PGM2L1: variants seen among roughly 807,000 people sequenced by gnomAD.
PGM2L1 encodes the protein phosphoglucomutase 2 like 1.
PGM2L1 carries 35 observed loss-of-function variants against 73.4 expected under a neutral mutation model. That is an observed-to-expected ratio of 0.48 (90% confidence interval 0.36 to 0.63). The LOEUF (loss-of-function observed/expected upper bound fraction) is 0.63. Ranked by LOEUF, PGM2L1 falls within the 30% of genes least tolerant of loss-of-function variation. The pLI, the probability that PGM2L1 is intolerant of heterozygous loss-of-function variation, is 0.00. For missense variants in PGM2L1, 570 were observed against 742.0 expected, an observed-to-expected ratio of 0.77 and a Z score of 2.69; for synonymous variants, 225 against 253.8, an observed-to-expected ratio of 0.89 and a Z score of 1.08.
chr11:74,393,977 G>A (rs1863138963), intron 1 of PGM2L1, among the ~76,000 whole-genome samples: 1 of 148,986 alleles, frequency 6.7e-6, no homozygotes. Context: ...AGAAAGCACT[G>A]AAAAAAAAAA....
chr11:74,363,242 G>T (rs939324680), intron 5 of PGM2L1, among the ~76,000 whole-genome samples: 5 of 152,174 alleles, frequency 3.3e-5, no homozygotes, highest in African/African-American at 1.2e-4. Context: ...TTAAAGCAGT[G>T]TGTAGAGGGA....
At chr11:74,340,169 T>C (rs1482134104) in intron 12 of PGM2L1, among the ~76,000 whole-genome samples, 3 of 152,214 alleles carry the variant, frequency 2.0e-5, no homozygotes, top group Non-Finnish European at 4.4e-5. Context: ...AGGAAGGCTT[T>C]GACACTTACT....
At chr11:74,338,168 C>T (rs911945267) in intron 13 of PGM2L1, among the ~76,000 whole-genome samples, 1 of 152,116 alleles carries the variant, frequency 6.6e-6, no homozygotes, top group Non-Finnish European at 1.5e-5. Flanking sequence ...GTCACAAAGG[C>T]CCACATATTG....
chr11:74,357,804 T>A (rs1007596815), intron 5 of PGM2L1, among the ~76,000 whole-genome samples: 1 of 152,168 alleles, frequency 6.6e-6, no homozygotes, highest in Non-Finnish European at 1.5e-5. Context: ...AATGGAGAAA[T>A]AAACTGTGGT....
At chr11:74,354,852 A>G (rs1862418329) in intron 5 of PGM2L1, 3 of 868,564 alleles carry the variant, frequency 3.5e-6, no homozygotes, top group South Asian at 1.3e-5. Flanking sequence ...GACTGTAATC[A>G]TGACTGACCG....
intron 9 of PGM2L1, among the ~76,000 whole-genome samples, chr11:74,344,978 G>C (rs1591167403): frequency 1.3e-5 from 2 of 152,284 alleles, no homozygotes; most frequent in South Asian, 4.1e-4. Flanking sequence ...TCAGCTTAAG[G>C]GTCTTAAGGT....
At position 74,340,292 on chromosome 11, in the gene PGM2L1, C is replaced by T. The variant is rs569533106; in HGVS notation, c.1633-1691G>A. Reference sequence around the variant, plus strand: ...GAATAATGAATATTATACACTTTAACGAGAATTAAGAGGGAGAAAAGCATT... The same window carrying T: ...GAATAATGAATATTATACACTTTAATGAGAATTAAGAGGGAGAAAAGCATT... On this transcript the variant is annotated intron_variant, in intron 12 of 13. Coordinates refer to ENST00000298198, the MANE Select transcript of PGM2L1 (RefSeq NM_173582.6). 1.1e-4 allele frequency among the ~76,000 whole-genome samples: 17 copies of T among 152,148 alleles called. No homozygotes were observed. In the South Asian group the frequency reaches 3.1e-3, roughly 28 times the overall value.
intron 5 of PGM2L1, among the ~76,000 whole-genome samples, chr11:74,364,072 A>G (rs923038663): frequency 6.6e-6 from 1 of 152,236 alleles, no homozygotes; most frequent in Admixed American, 6.5e-5. Context: ...ATGCAAATCA[A>G]TAAATGTAAT....
rs1171571062 is a variant in PGM2L1 at position 74,332,360 on chromosome 11, G to C, written c.*4292C>G. 6.6e-6 allele frequency: 1 copy of C among 152,080 alleles called. No homozygotes were observed. Among genetic ancestry groups the C allele is most frequent in the African/African-American group, 2.4e-5 (1 of 41,396 alleles). The allele number at this position is 152,080 out of a possible 1,614,324, so 9.4% of individuals were successfully genotyped here. A position where few individuals can be genotyped will look rare whatever the true frequency, so the allele number is the denominator to read the frequency against. ...GCAGTATGCAGACAGATCAAAACAG[G>C]TTATGAAATAGATTTAAAATTACTT... On this transcript the variant is annotated 3_prime_UTR_variant, in exon 14 of 14. Coordinates refer to ENST00000298198, the MANE Select transcript of PGM2L1 (RefSeq NM_173582.6).
At chr11:74,359,272 CA>C (rs1354393171) in intron 5 of PGM2L1, among the ~76,000 whole-genome samples, 2 of 151,846 alleles carry the variant, frequency 1.3e-5, no homozygotes, top group African/African-American at 4.8e-5. Flanking sequence ...CTTCTACATT[CA>C]TTTTCTTTTT....
chr11:74,387,237 T>C (rs644910), intron 1 of PGM2L1, among the ~76,000 whole-genome samples: 12,631 of 152,194 alleles, frequency 0.083, 752 homozygotes, highest in African/African-American at 0.17. Flanking sequence ...TCTCATTACA[T>C]CAAATGTAAA....
chr11:74,383,636 C>G (rs1862977996), intron 1 of PGM2L1, among the ~76,000 whole-genome samples: 1 of 151,654 alleles, frequency 6.6e-6, no homozygotes, highest in African/African-American at 2.4e-5. Flanking sequence ...TGTGTTGTTC[C>G]CCTCCCGGTG....
intron 2 of PGM2L1, among the ~76,000 whole-genome samples, chr11:74,372,216 T>A (rs1862775229): frequency 6.6e-6 from 1 of 152,074 alleles, no homozygotes; most frequent in Non-Finnish European, 1.5e-5. Context: ...TTGTCTTAAG[T>A]CCTTGCTAGA....
At chr11:74,397,786 C>A (rs1373518658) in intron 1 of PGM2L1, 20 of 273,018 alleles carry the variant, frequency 7.3e-5, no homozygotes, top group Admixed American at 5.6e-4. Context: ...GAAGACAGCA[C>A]TTGAAAGGAA....
At chr11:74,393,122 A>C (rs958420136) in intron 1 of PGM2L1, among the ~76,000 whole-genome samples, 20 of 152,216 alleles carry the variant, frequency 1.3e-4, no homozygotes, top group African/African-American at 4.8e-4. Context: ...ACAGCATTTT[A>C]CCAAAGTTGA....
chr11:74,339,866 G>GCCAA (rs1451743954), intron 12 of PGM2L1, among the ~76,000 whole-genome samples: 2 of 152,104 alleles, frequency 1.3e-5, no homozygotes, highest in Non-Finnish European at 2.9e-5. Flanking sequence ...CCTGCATCTG[G>GCCAA]CCAACTCCTA....
At chr11:74,342,205 T>A (rs941525553) in intron 12 of PGM2L1, among the ~76,000 whole-genome samples, 8 of 152,314 alleles carry the variant, frequency 5.3e-5, no homozygotes, top group East Asian at 1.9e-4. Flanking sequence ...ACTTTTTTTT[T>A]AAGTATTTAC....
intron 6 of PGM2L1, among the ~76,000 whole-genome samples, chr11:74,350,481 T>C (rs1473532761): frequency 6.6e-6 from 1 of 152,210 alleles, no homozygotes; most frequent in Non-Finnish European, 1.5e-5. Flanking sequence ...ACATACCATA[T>C]AATTCACCCA....
chr11:74,359,207 C>T (rs1030152914), intron 5 of PGM2L1, among the ~76,000 whole-genome samples: 5 of 151,994 alleles, frequency 3.3e-5, no homozygotes, highest in South Asian at 2.1e-4. Flanking sequence ...TATTGATGAA[C>T]ATTTCCTTTG....
Sources: allele counts gnomAD v4.1 joint callset (sites outside exome capture counted in the v4.1 genomes callset), GRCh38; gene constraint gnomAD v4.1.1; transcripts MANE v1.5; gene names NCBI Gene and HGNC (gene_info 2026-07-23, HGNC 2026-07-21).